The following USP7 variants were observed in gnomAD, a reference collection of about 807,000 sequenced individuals.
USP7 encodes ubiquitin C-terminal hydrolase 7.
USP7 carries 9 observed loss-of-function variants against 162.9 expected under a neutral mutation model. The ratio of observed to expected loss-of-function variants is 0.06; its 90% confidence interval spans 0.03 to 0.10. The LOEUF (loss-of-function observed/expected upper bound fraction) is 0.10. USP7 is among the 10% of genes least tolerant of loss of function. The pLI is 1.00. For missense variants in USP7, 715 were observed against 1,373.7 expected (o/e 0.52, Z 7.58); for synonymous variants, 562 against 475.9 (o/e 1.18, Z -2.35).
Position 8,893,715 on chromosome 16 carries a change from T to C in USP7, c.*283A>G, listed in dbSNP as rs999022038. On this transcript the variant is annotated 3_prime_UTR_variant, in exon 31 of 31. Coordinates refer to ENST00000344836, the MANE Select transcript of USP7 (RefSeq NM_003470.3). ...CTTGAGCCAGGGACCCCCGATCCAC[T>C]AACCTCTTCTCCCCCATTGCGCTGA... 9 of 371,180 alleles carry C rather than the reference T, an allele frequency of 2.4e-5. No individual in the cohort carries two copies. Among genetic ancestry groups the C allele is most frequent in the African/African-American group, 1.2e-4 (6 of 48,346 alleles). 23.0% of individuals were successfully genotyped at this position (371,180 alleles called of 1,614,324 possible). A position where few individuals can be genotyped will look rare whatever the true frequency, so the allele number is the denominator to read the frequency against.
At chr16:8,938,313 C>A (rs1306769096) in intron 1 of USP7, among the ~76,000 whole-genome samples, 1 of 149,068 alleles carries the variant, frequency 6.7e-6, no homozygotes, top group African/African-American at 2.5e-5. Context: ...TGTAGATTCA[C>A]ACACAGTCTT....
At chr16:8,954,896 G>A (rs1899721468) in intron 1 of USP7, among the ~76,000 whole-genome samples, 2 of 152,116 alleles carry the variant, frequency 1.3e-5, no homozygotes, top group South Asian at 4.1e-4. Flanking sequence ...GGAGGCAGAG[G>A]TTGCAGTGAG....
At chr16:8,895,287 C>T in intron 27 of USP7, 137 bp from the exon 28 acceptor site, 1 of 1,352,196 alleles carries the variant, frequency 7.4e-7, no homozygotes, top group Non-Finnish European at 1.0e-6. Context: ...CTGGATCCAG[C>T]CAGAGTGATG....
rs568289646 is a variant in USP7, at chr16:8,962,719, G to A, written c.79+488C>T. 1.5e-4 allele frequency: 25 copies of A among 171,114 alleles called. No homozygotes were observed. The East Asian group carries it at 3.6e-3, about 25-fold the overall frequency. 10.6% of individuals were successfully genotyped at this position (171,114 alleles called of 1,614,324 possible). Reference sequence around the variant, plus strand: ...CGTAAGCCCGACGCTAGGCAGTGCTGTTAGAAAGTGATTTGGAAGAGCGCT... The same window carrying A: ...CGTAAGCCCGACGCTAGGCAGTGCTATTAGAAAGTGATTTGGAAGAGCGCT... On this transcript the variant is annotated intron_variant, in intron 1 of 30. Transcript: ENST00000344836.
chr16:8,930,191 A>G (rs1422794833), intron 2 of USP7, 102 bp downstream of exon 2: 4 of 845,824 alleles, frequency 4.7e-6, no homozygotes, highest in Non-Finnish European at 7.2e-6. Flanking sequence ...AGCTACGCTC[A>G]GAAGTACCCA....
intron 18 of USP7, chr16:8,901,848 C>T (rs987634448): frequency 1.8e-6 from 1 of 546,652 alleles, no homozygotes; most frequent in East Asian, 3.1e-5. Context: ...GCAGCTGAGA[C>T]TGAAGACAGA....
intron 22 of USP7, 35 bp downstream of exon 22, chr16:8,899,568 TG>T: frequency 6.2e-7 from 1 of 1,602,188 alleles, no homozygotes; most frequent in Non-Finnish European, 8.5e-7. Flanking sequence ...CTTTCTGGAG[TG>T]GGATCTGAAG....
rs548716257 is a variant in USP7, at chr16:8,924,379, T to C, written c.185-966A>G. ...CAAGCTTCTAAACGCTTCCTTTCACTTTCTGTACCTATCTCATTATAGTCT... is the reference window on the plus strand; with the variant it reads ...CAAGCTTCTAAACGCTTCCTTTCACCTTCTGTACCTATCTCATTATAGTCT... On this transcript the variant is annotated intron_variant, in intron 2 of 30. Coordinates refer to ENST00000344836, the MANE Select transcript of USP7 (RefSeq NM_003470.3). 2.0e-5 allele frequency among the ~76,000 whole-genome samples: 3 copies of C among 152,358 alleles called. No homozygotes were observed. In the South Asian group the frequency reaches 6.2e-4, roughly 32 times the overall value.
rs1006495460 is a variant in USP7 at position 8,892,650 on chromosome 16, C to T, written c.*1348G>A. ...AAAAAGAAACAAGAGACCCTGCCCC[C>T]GCAAAACGGAATTAGAAGGAAAAGT... On this transcript the variant is annotated 3_prime_UTR_variant, in exon 31 of 31. Transcript: ENST00000344836. 10 of 149,134 alleles carry T rather than the reference C, an allele frequency of 6.7e-5. No homozygotes were observed. The highest frequency in any genetic ancestry group is 2.0e-4 in the African/African-American group (8 of 40,614). The allele number at this position is 149,134 out of a possible 1,614,324, so 9.2% of individuals were successfully genotyped here. A position where few individuals can be genotyped will look rare whatever the true frequency, so the allele number is the denominator to read the frequency against.
At position 8,894,538 on chromosome 16, in the gene USP7, G is replaced by A. The variant is rs772475725; in HGVS notation, c.3202+12C>T. The A allele has an allele frequency of 6.2e-6, 10 of 1,607,230 alleles. No homozygotes were observed. The Admixed American group carries it at 1.0e-4, about 16-fold the overall frequency. ...AACCCACACCAGCCCCCGGGGGGGG[G>A]AGAACCCTTACCGGGCTGTGGCTCA... On this transcript the variant is annotated intron_variant, in intron 30 of 30. Coordinates refer to ENST00000344836, the MANE Select transcript of USP7 (RefSeq NM_003470.3).
At chr16:8,917,180 T>A (rs1442362951) in intron 6 of USP7, 24 bp from the exon 7 acceptor site, 2 of 1,575,302 alleles carry the variant, frequency 1.3e-6, no homozygotes, top group African/African-American at 2.8e-5. Context: ...GAAATAAGAA[T>A]TTTTACTCTG....
intron 12 of USP7, among the ~76,000 whole-genome samples, chr16:8,907,353 G>A (rs964259844): frequency 5.9e-5 from 9 of 152,152 alleles, no homozygotes; most frequent in East Asian, 1.9e-4. Flanking sequence ...TTCTGACCAC[G>A]GTAAAGACTG....
At chr16:8,905,382 C>T in intron 13 of USP7, 51 bp from the exon 14 acceptor site, 1 of 1,599,688 alleles carries the variant, frequency 6.3e-7, no homozygotes, top group Non-Finnish European at 8.6e-7. Flanking sequence ...GTGACAAGTA[C>T]CCAACACTAG....
At chr16:8,919,891 G>A (rs1374362831) in intron 5 of USP7, among the ~76,000 whole-genome samples, 1 of 152,104 alleles carries the variant, frequency 6.6e-6, no homozygotes, top group East Asian at 1.9e-4. Flanking sequence ...CCCAGCCTTG[G>A]AAACACTCAA....
At chr16:8,958,662 T>C (rs983257423) in intron 1 of USP7, among the ~76,000 whole-genome samples, 1 of 152,068 alleles carries the variant, frequency 6.6e-6, no homozygotes, top group African/African-American at 2.4e-5. Context: ...CTCAGGGACC[T>C]GGTTTCCTGC....
chr16:8,928,430 C>T (rs1481136451), intron 2 of USP7, among the ~76,000 whole-genome samples: 1 of 152,302 alleles, frequency 6.6e-6, no homozygotes, highest in Admixed American at 6.5e-5. Flanking sequence ...TCTGATATGA[C>T]AACCCTGAGA....
chr16:8,900,325 T>C (rs1488117738), intron 21 of USP7, among the ~76,000 whole-genome samples: 1 of 152,202 alleles, frequency 6.6e-6, no homozygotes, highest in Non-Finnish European at 1.5e-5. Flanking sequence ...TAAGGAATTT[T>C]TAAGAAATTG....
At chr16:8,907,429 C>G (rs568657527) in intron 12 of USP7, among the ~76,000 whole-genome samples, 70 of 152,324 alleles carry the variant, frequency 4.6e-4, no homozygotes, top group African/African-American at 1.5e-3. Flanking sequence ...TCCCTTAAAC[C>G]TGAAGGCTGA....
intron 21 of USP7, chr16:8,899,994 A>G (rs1358019448): frequency 1.7e-6 from 1 of 584,000 alleles, no homozygotes; most frequent in East Asian, 2.9e-5. Context: ...TCATCCCACT[A>G]CAAAACAAAA....
Sources: gnomAD v4.1 joint callset for allele counts (sites outside exome capture counted in the v4.1 genomes callset) on GRCh38, gnomAD v4.1.1 for gene constraint, MANE v1.5 for transcripts, NCBI Gene and HGNC (gene_info 2026-07-23, HGNC 2026-07-21) for gene names.